The following LCMT1 variants were observed in gnomAD, a reference collection of about 807,000 sequenced individuals.
LCMT1 encodes [Phosphatase 2A protein]-leucine-carboxy methyltransferase 1.
Under a neutral mutation model 47.7 loss-of-function variants are expected in LCMT1, and 32 were observed. That is an observed-to-expected ratio of 0.67 (90% CI 0.51 to 0.90). LCMT1 has a LOEUF of 0.90. LCMT1 is among the 40% of genes least tolerant of loss of function. The probability of loss-of-function intolerance (pLI) is 0.00; values close to 1 mark genes in which losing one functional copy is unlikely to be tolerated. For missense variants in LCMT1, 375 were observed against 415.2 expected (o/e 0.90, Z 0.84); for synonymous variants, 152 against 149.7 (o/e 1.02, Z -0.11).
intron 10 of LCMT1, among the ~76,000 whole-genome samples, chr16:25,177,425 A>C (rs915320766): frequency 6.6e-6 from 1 of 152,098 alleles, no homozygotes; most frequent in African/African-American, 2.4e-5. Context: ...TTTGATTTCA[A>C]GTGTTTTCAA....
chr16:25,146,096 A>G (rs906009034), intron 4 of LCMT1: 1 of 152,254 alleles, frequency 6.6e-6, no homozygotes, highest in Non-Finnish European at 1.5e-5. Context: ...AAGCCTAGAC[A>G]TGGCCTCACA....
At chr16:25,122,780 A>G (rs1041287886) in intron 1 of LCMT1, among the ~76,000 whole-genome samples, 1 of 151,958 alleles carries the variant, frequency 6.6e-6, no homozygotes, top group Admixed American at 6.6e-5. Context: ...CTCTTGGTTC[A>G]ACTTGTACAG....
intron 6 of LCMT1, among the ~76,000 whole-genome samples, chr16:25,162,712 G>A (rs1013459712): frequency 6.6e-6 from 1 of 152,174 alleles, no homozygotes; most frequent in South Asian, 2.1e-4. Context: ...ATTCATTTCT[G>A]TAGTTTTAAT....
At chr16:25,149,120 A>C (rs748996562) in intron 4 of LCMT1, 1 of 152,246 alleles carries the variant, frequency 6.6e-6, no homozygotes, top group Non-Finnish European at 1.5e-5. Flanking sequence ...AGAGGCAACA[A>C]GGCTGTAATC....
intron 6 of LCMT1, among the ~76,000 whole-genome samples, chr16:25,162,108 G>A (rs1322128019): frequency 6.6e-6 from 1 of 152,180 alleles, no homozygotes; most frequent in African/African-American, 2.4e-5. Flanking sequence ...ATACATAGCA[G>A]TTCCACTTTC....
chr16:25,170,881 C>A, intron 9 of LCMT1, 76 bp downstream of exon 9: 1 of 904,094 alleles, frequency 1.1e-6, no homozygotes, highest in Non-Finnish European at 1.7e-6. Flanking sequence ...TTCTTTCATG[C>A]AGAAAAACAG....
chr16:25,132,207 T>C, intron 2 of LCMT1, 195 bp from the exon 3 acceptor site: 2 of 590,008 alleles, frequency 3.4e-6, no homozygotes, highest in Admixed American at 5.8e-5. Context: ...TATACTTACC[T>C]TGGTTCAGAT....
intron 4 of LCMT1, chr16:25,144,222 C>T (rs1049482708): frequency 2.6e-5 from 4 of 152,254 alleles, no homozygotes; most frequent in African/African-American, 9.6e-5. Flanking sequence ...GCTGCATGGG[C>T]ACACAGCAGG....
intron 1 of LCMT1, among the ~76,000 whole-genome samples, chr16:25,118,895 G>A (rs1157622188): frequency 6.6e-6 from 1 of 152,138 alleles, no homozygotes; most frequent in Non-Finnish European, 1.5e-5. Flanking sequence ...GGAGGCTCTT[G>A]TAAGGACCCG....
chr16:25,135,284 A>AAAAAAAAAAAAAAATAT (rs1555482753), intron 3 of LCMT1, among the ~76,000 whole-genome samples: 2 of 140,608 alleles, frequency 1.4e-5, no homozygotes, highest in African/African-American at 5.1e-5. Context: ...TTTCTTTTAA[A>AAAAAAAAAAAAAAATAT]ATATATATCT....
intron 4 of LCMT1, chr16:25,141,062 C>A (rs534456259): frequency 2.0e-5 from 3 of 152,130 alleles, no homozygotes; most frequent in Non-Finnish European, 4.4e-5. Context: ...CACTGGCTGT[C>A]CTAAAGACCT....
chr16:25,131,811 A>G (rs1960356035), intron 2 of LCMT1, among the ~76,000 whole-genome samples: 1 of 152,174 alleles, frequency 6.6e-6, no homozygotes, highest in Admixed American at 6.5e-5. Flanking sequence ...AGAAGCTGGG[A>G]TTACAGTTGT....
chr16:25,119,509 G>T (rs1448233162), intron 1 of LCMT1, among the ~76,000 whole-genome samples: 2 of 152,018 alleles, frequency 1.3e-5, no homozygotes, highest in Non-Finnish European at 2.9e-5. Flanking sequence ...AGGTCTTAAC[G>T]TTCTGGTTTT....
At chr16:25,123,600 CTTTTT>C (rs1173228613) in intron 1 of LCMT1, among the ~76,000 whole-genome samples, 5 of 63,508 alleles carry the variant, frequency 7.9e-5, no homozygotes, top group African/African-American at 2.9e-4. Flanking sequence ...AAATTGCTTT[CTTTTT>C]TTTTTTTTTT....
At chr16:25,172,393 ATGTC>A (rs1487551790) in intron 9 of LCMT1, among the ~76,000 whole-genome samples, 2 of 152,230 alleles carry the variant, frequency 1.3e-5, no homozygotes, top group African/African-American at 2.4e-5. Context: ...GTAATTAAAA[ATGTC>A]TGTAGCTGGG....
chr16:25,120,411 ATTTCTTTTTT>A (rs1456804209), intron 1 of LCMT1, among the ~76,000 whole-genome samples: 136 of 145,778 alleles, frequency 9.3e-4, no homozygotes, highest in African/African-American at 3.0e-3. Flanking sequence ...ATGGTTTTTG[ATTTCTTTTTT>A]TTTCTTTTTC....
intron 4 of LCMT1, chr16:25,144,812 T>G (rs1264808310): frequency 6.6e-6 from 1 of 152,184 alleles, no homozygotes; most frequent in Non-Finnish European, 1.5e-5. Flanking sequence ...TTTCGAAAAA[T>G]GAGCCACTGG....
intron 6 of LCMT1, among the ~76,000 whole-genome samples, chr16:25,161,497 C>T (rs1380239794): frequency 1.3e-5 from 2 of 152,012 alleles, no homozygotes; most frequent in African/African-American, 4.8e-5. Flanking sequence ...GCTGGGATTA[C>T]AGGCATGCGC....
intron 5 of LCMT1, among the ~76,000 whole-genome samples, chr16:25,160,034 C>T (rs1378221830): frequency 2.0e-5 from 3 of 150,924 alleles, no homozygotes; most frequent in East Asian, 1.9e-4. Context: ...GGCATGATCT[C>T]GGCTCACTGC....
Sources: gnomAD v4.1 joint callset for allele counts (sites outside exome capture counted in the v4.1 genomes callset) on GRCh38, gnomAD v4.1.1 for gene constraint, MANE v1.5 for transcripts, NCBI Gene and HGNC (gene_info 2026-07-23, HGNC 2026-07-21) for gene names.